TACR3: variants seen among roughly 807,000 people sequenced by gnomAD.
TACR3 encodes the protein neuromedin-K receptor.
TACR3 carries 34 observed loss-of-function variants against 35.0 expected under a neutral mutation model. The ratio of observed to expected loss-of-function variants is 0.97; its 90% CI spans 0.74 to 1.30. The LOEUF (loss-of-function observed/expected upper bound fraction) is 1.30, where lower values mean the gene tolerates loss of function less well. TACR3 is among the 50% of genes most tolerant of loss of function. TACR3 has a pLI of 0.00. For synonymous variants in TACR3, 233 were observed against 221.1 expected (o/e 1.05, Z -0.48); for missense variants, 558 against 591.7 (o/e 0.94, Z 0.59).
At chr4:103,688,487 G>C (rs1441889933) in intron 1 of TACR3, among the ~76,000 whole-genome samples, 1 of 150,058 alleles carries the variant, frequency 6.7e-6, no homozygotes, top group Admixed American at 6.6e-5. Context: ...GAAAATTTTC[G>C]CAACCTACTC....
At chr4:103,676,314 C>T (rs1446302806) in intron 1 of TACR3, among the ~76,000 whole-genome samples, 8 of 152,030 alleles carry the variant, frequency 5.3e-5, no homozygotes, top group African/African-American at 1.9e-4. Flanking sequence ...CTTAACTTTG[C>T]TAAATAGAAA....
chr4:103,659,606 A>G (rs1725796812), intron 1 of TACR3, among the ~76,000 whole-genome samples: 1 of 152,204 alleles, frequency 6.6e-6, no homozygotes, highest in South Asian at 2.1e-4. Flanking sequence ...CCTCATGAAC[A>G]TCTTCATGGT....
At chr4:103,628,323 C>CA (rs1292491197) in intron 3 of TACR3, among the ~76,000 whole-genome samples, 224 of 152,062 alleles carry the variant, frequency 1.5e-3, no homozygotes, top group African/African-American at 4.7e-3. Flanking sequence ...GATAGAGACA[C>CA]AAAAAACCCT....
intron 3 of TACR3, among the ~76,000 whole-genome samples, chr4:103,648,581 C>G (rs1725509401): frequency 6.6e-6 from 1 of 152,004 alleles, no homozygotes; most frequent in African/African-American, 2.4e-5. Flanking sequence ...AACATAATGA[C>G]CTCTAGTTCC....
intron 3 of TACR3, among the ~76,000 whole-genome samples, chr4:103,601,620 G>A (rs958313239): frequency 6.6e-6 from 1 of 152,056 alleles, no homozygotes; most frequent in Non-Finnish European, 1.5e-5. Context: ...GTCTGTAGAG[G>A]ATATTATTTC....
rs1377940960 is a variant in TACR3 at position 103,654,685 on chromosome 4, T to TTAAAG, written c.888+1504_888+1508dup. Among the ~76,000 whole-genome samples the TTAAAG allele has an allele frequency of 6.0e-5, 9 of 149,358 alleles. No individual in the cohort carries two copies. In the East Asian group the frequency reaches 1.8e-3, roughly 29 times the overall value. Reference sequence around the variant, plus strand: ...ACATTGTGCACATGTACCCTAAAACTTAAAGTATAATAATAATAAAATTAA... The same window carrying TTAAAG: ...ACATTGTGCACATGTACCCTAAAACTTAAAGTAAAGTATAATAATAATAAAATTAA... On this transcript the variant is annotated intron_variant, in intron 3 of 4. Coordinates refer to ENST00000304883, the MANE Select transcript of TACR3 (RefSeq NM_001059.3).
chr4:103,598,885 C>T (rs1003491918), intron 3 of TACR3, among the ~76,000 whole-genome samples: 17 of 152,128 alleles, frequency 1.1e-4, no homozygotes, highest in African/African-American at 3.9e-4. Flanking sequence ...AGTCAGGTAG[C>T]ATGATGCCTC....
intron 3 of TACR3, among the ~76,000 whole-genome samples, chr4:103,621,725 AT>A (rs1724785881): frequency 6.6e-6 from 1 of 152,208 alleles, no homozygotes; most frequent in Non-Finnish European, 1.5e-5. Context: ...GGAAACAGGC[AT>A]TTCAGAGCAA....
chr4:103,607,242 C>T (rs545615819), intron 3 of TACR3, among the ~76,000 whole-genome samples: 1 of 152,118 alleles, frequency 6.6e-6, no homozygotes, highest in Admixed American at 6.6e-5. Flanking sequence ...TTCTTTTAGT[C>T]CATATCATTG....
At chr4:103,699,377 G>T (rs1722596251) in intron 1 of TACR3, among the ~76,000 whole-genome samples, 1 of 152,130 alleles carries the variant, frequency 6.6e-6, no homozygotes, top group African/African-American at 2.4e-5. Flanking sequence ...GGTAGTAATA[G>T]AAAAGATTAC....
intron 3 of TACR3, among the ~76,000 whole-genome samples, chr4:103,612,593 A>G (rs1006985298): frequency 4.6e-5 from 7 of 151,876 alleles, no homozygotes; most frequent in African/African-American, 1.7e-4. Context: ...GCTCACTGCA[A>G]CCTCCGCCTG....
intron 4 of TACR3, 76 bp from the exon 5 acceptor site, chr4:103,590,070 C>A: frequency 6.5e-7 from 1 of 1,537,076 alleles, no homozygotes; most frequent in Non-Finnish European, 8.8e-7. Context: ...ACAGAAAATT[C>A]TACCTAAGGC....
intron 1 of TACR3, among the ~76,000 whole-genome samples, chr4:103,692,936 G>A (rs1016285700): frequency 6.6e-6 from 1 of 151,936 alleles, no homozygotes; most frequent in East Asian, 1.9e-4. Context: ...ATGCAACAGT[G>A]GATTACTCTC....
intron 1 of TACR3, among the ~76,000 whole-genome samples, chr4:103,713,215 G>A (rs1723009541): frequency 6.6e-6 from 1 of 151,934 alleles, no homozygotes; most frequent in Non-Finnish European, 1.5e-5. Context: ...GCAAAGACTT[G>A]GAACCAACCC....
rs552654376 is a variant in TACR3 at position 103,695,748 on chromosome 4, G to A, written c.548+23380C>T. On this transcript the variant is annotated intron_variant, in intron 1 of 4. Coordinates refer to ENST00000304883, the MANE Select transcript of TACR3 (RefSeq NM_001059.3). ...GTGTGTGTGTGTGTGTGTGTGTAAA[G>A]TTTACTTCATATAGTTCTCACATAT... is the stretch of plus-strand genomic sequence containing the variant. 2.8e-5 allele frequency among the ~76,000 whole-genome samples: 4 copies of A among 143,654 alleles called. No homozygotes were observed. In the South Asian group the frequency reaches 8.5e-4, roughly 30 times the overall value. 94.2% of individuals were successfully genotyped at this position (143,654 alleles called of 152,430 possible).
chr4:103,699,612 A>G (rs577698696), intron 1 of TACR3, among the ~76,000 whole-genome samples: 9 of 152,330 alleles, frequency 5.9e-5, no homozygotes, highest in Admixed American at 2.0e-4. Flanking sequence ...ATTTAGGTGA[A>G]AAATGATATT....
chr4:103,698,624 G>C (rs2110221593), intron 1 of TACR3, among the ~76,000 whole-genome samples: 1 of 151,608 alleles, frequency 6.6e-6, no homozygotes, highest in East Asian at 1.9e-4. Flanking sequence ...AAATAAGCCA[G>C]GCACAGAAAA....
intron 1 of TACR3, among the ~76,000 whole-genome samples, chr4:103,692,070 C>T (rs566543139): frequency 3.3e-5 from 5 of 152,004 alleles, no homozygotes; most frequent in Admixed American, 2.0e-4. Flanking sequence ...TCTCCTGGAC[C>T]GAGCTGGTCC....
rs201065494 is a variant in TACR3, at chr4:103,589,894, G to A, written c.1186C>T (p.Arg396Trp). The change falls in exon 5 of 5, where the codon CGG (arginine) becomes TGG (tryptophan). Residue 396 changes from arginine to tryptophan, a missense_variant. Transcript: ENST00000304883. Reference protein sequence around the residue: ...ELKTTRFHPNRQSSMYTVTRM... With the variant: ...ELKTTRFHPNWQSSMYTVTRM... ...GTCACGGTGTACATACTGCTTTGCC[G>A]GTTTGGATGAAACCTGGTGGTCTTG... The A allele has an allele frequency of 3.1e-6, 5 of 1,613,950 alleles. No individual in the cohort carries two copies. Among genetic ancestry groups the A allele is most frequent in the African/African-American group, 1.3e-5 (1 of 75,018 alleles).
Sources: gnomAD v4.1 joint callset for allele counts (sites outside exome capture counted in the v4.1 genomes callset) on GRCh38, gnomAD v4.1.1 for gene constraint, MANE v1.5 for transcripts, NCBI Gene and HGNC (gene_info 2026-07-23, HGNC 2026-07-21) for gene names.